SLC5A12: variants seen among roughly 807,000 people sequenced by gnomAD.
The protein encoded by SLC5A12 is solute carrier family 5 member 12.
A neutral mutation model predicts 72.7 loss-of-function variants in SLC5A12; 46 were observed. The ratio of observed to expected loss-of-function variants is 0.63; its 90% CI spans 0.50 to 0.81. The LOEUF is 0.81. Among genes scored for constraint, SLC5A12 ranks in the 30% least tolerant of loss-of-function variants. The pLI is 0.00. For missense variants in SLC5A12, 683 were observed against 740.7 expected (o/e 0.92, Z 0.90); for synonymous variants, 275 against 264.4 (o/e 1.04, Z -0.39).
At chr11:26,689,711 G>A (rs932735361) in intron 9 of SLC5A12, among the ~76,000 whole-genome samples, 1 of 151,986 alleles carries the variant, frequency 6.6e-6, no homozygotes, top group East Asian at 1.9e-4. Flanking sequence ...GTGAATTATC[G>A]TTAACAATGT....
rs1854323228 is a variant in SLC5A12 at position 26,678,745 on chromosome 11, T to A, written c.1546A>T (p.Ile516Phe). Reference sequence around the variant, plus strand: ...AGGCTGATGATTACTCCAGCAACAATGCATCCTAAGCAGCCCACTGCACTG... The same window carrying A: ...AGGCTGATGATTACTCCAGCAACAAAGCATCCTAAGCAGCCCACTGCACTG... ...YYSAVGCLGC[I>F]VAGVIISLIT... The change falls in exon 13 of 15, where the codon ATT becomes TTT. Residue 516 changes from isoleucine to phenylalanine, a missense_variant. Ile to Phe is a conservative substitution (Grantham distance 21). Coordinates refer to ENST00000396005, the MANE Select transcript of SLC5A12 (RefSeq NM_178498.4). The A allele has an allele frequency of 1.4e-5, 23 of 1,613,256 alleles. No individual in the cohort carries two copies. The highest frequency in any genetic ancestry group is 1.9e-5 in the Non-Finnish European group (23 of 1,179,546).
intron 1 of SLC5A12, among the ~76,000 whole-genome samples, chr11:26,713,710 A>G (rs1403267491): frequency 1.3e-5 from 2 of 152,102 alleles, no homozygotes; most frequent in Non-Finnish European, 2.9e-5. Flanking sequence ...TTTGTTATTA[A>G]TACTGTATAA....
Position 26,681,169 on chromosome 11 carries a change from A to C in SLC5A12, c.1361T>G (p.Ile454Ser). 6.2e-7 allele frequency: 1 copy of C among 1,611,072 alleles called. No individual in the cohort carries two copies. Among genetic ancestry groups the C allele is most frequent in the Non-Finnish European group, 8.5e-7 (1 of 1,178,636 alleles). Residue 454 changes from isoleucine to serine, a missense_variant, in exon 12 of 15, where the codon ATT becomes AGT. By Grantham distance (142) the Ile-to-Ser change is moderately radical. Coordinates refer to ENST00000396005, the MANE Select transcript of SLC5A12 (RefSeq NM_178498.4). ...TGITLSFWVA[I>S]GAFIYPAPAS... Reference sequence around the variant, plus strand: ...TGGTGCAGGGTAAATGAAGGCCCCAATGGCCACCCAAAATGACAAGGTGAT... The same window carrying C: ...TGGTGCAGGGTAAATGAAGGCCCCACTGGCCACCCAAAATGACAAGGTGAT...
chr11:26,701,210 A>T (rs1357710680), intron 6 of SLC5A12, among the ~76,000 whole-genome samples: 1 of 152,120 alleles, frequency 6.6e-6, no homozygotes, highest in East Asian at 1.9e-4. Context: ...TATACCAAAC[A>T]TCTGAACTGA....
rs562920890 is a variant in SLC5A12 at position 26,681,942 on chromosome 11, T to C, written c.1309-721A>G. Among the ~76,000 whole-genome samples the C allele has an allele frequency of 5.3e-5, 8 of 151,970 alleles. No individual in the cohort carries two copies. The South Asian group carries it at 1.7e-3, about 32-fold the overall frequency. On this transcript the variant is annotated intron_variant, in intron 11 of 14. Coordinates refer to ENST00000396005, the MANE Select transcript of SLC5A12 (RefSeq NM_178498.4). ...AAAATAGAAGAGGCCTTGGTAAGAG[T>C]TCCAGAATACTTTCTCCATTATTGT...
chr11:26,697,033 G>A (rs1195878249), intron 8 of SLC5A12, 131 bp downstream of exon 8: 3 of 747,794 alleles, frequency 4.0e-6, no homozygotes, highest in African/African-American at 1.8e-5. Context: ...CAATTAATGA[G>A]CAAATACAAA....
At chr11:26,680,905 C>A (rs911844717) in intron 12 of SLC5A12, 150 bp downstream of exon 12, 13 of 616,790 alleles carry the variant, frequency 2.1e-5, no homozygotes, top group Middle Eastern at 4.8e-4. Context: ...TGCAGCCCTG[C>A]GTGGCACTCT....
chr11:26,718,150 A>G (rs1855394413), intron 1 of SLC5A12, among the ~76,000 whole-genome samples: 1 of 152,216 alleles, frequency 6.6e-6, no homozygotes, highest in Admixed American at 6.5e-5. Flanking sequence ...GAAGAAAGAA[A>G]CAGAAACTCC....
At chr11:26,671,368 C>A in intron 14 of SLC5A12, 117 bp from the exon 15 acceptor site, 535 of 696,828 alleles carry the variant, frequency 7.7e-4, no homozygotes, top group East Asian at 1.0e-3. Context: ...ACAAAAGAAG[C>A]ATAAACAACT....
chr11:26,675,282 T>A (rs1854240065), intron 13 of SLC5A12, among the ~76,000 whole-genome samples: 2 of 152,200 alleles, frequency 1.3e-5, no homozygotes, highest in Admixed American at 1.3e-4. Context: ...TTCTGTTTTC[T>A]TCTAGAAAAA....
intron 4 of SLC5A12, 96 bp from the exon 5 acceptor site, chr11:26,704,043 G>C: frequency 1.5e-6 from 2 of 1,316,446 alleles, no homozygotes; most frequent in Non-Finnish European, 2.1e-6. Flanking sequence ...GCATTCTTTT[G>C]TTTATTCAGC....
intron 1 of SLC5A12, 67 bp from the exon 2 acceptor site, chr11:26,712,773 T>G: frequency 8.4e-7 from 1 of 1,189,706 alleles, no homozygotes; most frequent in Non-Finnish European, 1.2e-6. Flanking sequence ...AAAGTCCTTT[T>G]TATCTTGGTA....
At position 26,721,670 on chromosome 11, in the gene SLC5A12, T is replaced by C. The variant is rs767045345; in HGVS notation, c.45A>G (p.Ala15=). ...NFAVWDYVVF[A]ALFFISSGIG... ...TTCCAGAGGAAATGAAAAAGAGGGCTGCAAATACAACATAATCCCAAACTG... is the reference window on the plus strand; with the variant it reads ...TTCCAGAGGAAATGAAAAAGAGGGCCGCAAATACAACATAATCCCAAACTG... The change falls in exon 1 of 15, where the codon GCA becomes GCG. Residue 15 remains alanine, a synonymous_variant. Coordinates refer to ENST00000396005, the MANE Select transcript of SLC5A12 (RefSeq NM_178498.4). The C allele has an allele frequency of 4.3e-6, 7 of 1,614,014 alleles. No homozygotes were observed. In the East Asian group the frequency reaches 1.3e-4, roughly 31 times the overall value.
chr11:26,677,769 A>G (rs545187922), intron 13 of SLC5A12, among the ~76,000 whole-genome samples: 1 of 152,306 alleles, frequency 6.6e-6, no homozygotes, highest in East Asian at 1.9e-4. Flanking sequence ...TAACATCTCT[A>G]GTACACAGTC....
At position 26,679,427 on chromosome 11, in the gene SLC5A12, G is replaced by A. The variant is rs1330813678; in HGVS notation, c.1476-612C>T. On this transcript the variant is annotated intron_variant, in intron 12 of 14. Transcript: ENST00000396005. The stretch of plus-strand genomic sequence containing the variant: ...GAGGGAAGAATCAACATGGTTTATG[G>A]GGAACCATGAATAGGTTGAAATTCT... Among the ~76,000 whole-genome samples, 3 of 152,084 alleles carry A rather than the reference G, an allele frequency of 2.0e-5. No individual in the cohort carries two copies. The East Asian group carries it at 5.8e-4, about 29-fold the overall frequency.
chr11:26,700,916 T>C lies in SLC5A12; in HGVS notation c.822-2381A>G, dbSNP rs531638996. ...TTTTAGTGTGAACTTTATGGATCTA[T>C]TTTTACTTACCTATTTTGCAGGATT... On this transcript the variant is annotated intron_variant, in intron 6 of 14. Transcript: ENST00000396005. 2.6e-5 allele frequency among the ~76,000 whole-genome samples: 4 copies of C among 152,338 alleles called. No homozygotes were observed. The East Asian group carries it at 7.7e-4, about 29-fold the overall frequency.
chr11:26,696,032 G>C (rs1006118180), intron 8 of SLC5A12, among the ~76,000 whole-genome samples: 1 of 152,124 alleles, frequency 6.6e-6, no homozygotes. Flanking sequence ...CACATATTCA[G>C]AAAGGAGTTC....
chr11:26,716,001 A>C (rs1429994607), intron 1 of SLC5A12, among the ~76,000 whole-genome samples: 1 of 152,254 alleles, frequency 6.6e-6, no homozygotes, highest in Non-Finnish European at 1.5e-5. Flanking sequence ...AGTATGCTAC[A>C]TAGCAATAGA....
chr11:26,707,225 C>T lies in SLC5A12; in HGVS notation c.525+2087G>A, dbSNP rs150934141. Among the ~76,000 whole-genome samples, 131 of 152,128 alleles carry T rather than the reference C, an allele frequency of 8.6e-4. 1 individual carries two copies. Among genetic ancestry groups the T allele is most frequent in the African/African-American group, 3.0e-3 (125 of 41,556 alleles). On this transcript the variant is annotated intron_variant, in intron 4 of 14. Coordinates refer to ENST00000396005, the MANE Select transcript of SLC5A12 (RefSeq NM_178498.4). Reference sequence around the variant, plus strand: ...CTTTAAGTATCTCTTTCTCCTTCCTCTGGCTCTTTTTCAGGTCCTCCATTT... The same window carrying T: ...CTTTAAGTATCTCTTTCTCCTTCCTTTGGCTCTTTTTCAGGTCCTCCATTT...
Sources: gnomAD v4.1 joint callset for allele counts (sites outside exome capture counted in the v4.1 genomes callset) on GRCh38, gnomAD v4.1.1 for gene constraint, MANE v1.5 for transcripts, NCBI Gene and HGNC (gene_info 2026-07-23, HGNC 2026-07-21) for gene names.